E2F3: variants seen among roughly 807,000 people sequenced by gnomAD.
E2F3 encodes E2F transcription factor 3, also known as transcription factor E2F3.
A neutral mutation model predicts 44.4 loss-of-function variants in E2F3; 11 were observed. That is an observed-to-expected ratio of 0.25 (90% CI 0.16 to 0.41). The LOEUF (loss-of-function observed/expected upper bound fraction) is 0.41, where lower values mean the gene tolerates loss of function less well. E2F3 is among the 10% of genes least tolerant of loss of function. The pLI, the probability that E2F3 is intolerant of heterozygous loss-of-function variation, is 1.00. For synonymous variants in E2F3, 249 were observed against 253.0 expected (o/e 0.98, Z 0.15); for missense variants, 487 against 583.6 (o/e 0.83, Z 1.70).
chr6:20,472,062 A>ACACACT (rs1457807295), intron 1 of E2F3, among the ~76,000 whole-genome samples: 1 of 150,962 alleles, frequency 6.6e-6, no homozygotes, highest in Non-Finnish European at 1.5e-5. Context: ...ACACACACAC[A>ACACACT]CACACACTCA....
At chr6:20,448,385 A>G (rs1761017157) in intron 1 of E2F3, among the ~76,000 whole-genome samples, 1 of 152,208 alleles carries the variant, frequency 6.6e-6, no homozygotes, top group Non-Finnish European at 1.5e-5. Context: ...TGTATGACAG[A>G]TAATCAGAAA....
At chr6:20,456,186 G>A (rs1165434984) in intron 1 of E2F3, among the ~76,000 whole-genome samples, 1 of 151,844 alleles carries the variant, frequency 6.6e-6, no homozygotes, top group Admixed American at 6.6e-5. Context: ...TACGCTCACA[G>A]GCCTTCAAGC....
chr6:20,413,235 T>C (rs1014234861), intron 1 of E2F3, among the ~76,000 whole-genome samples: 1 of 152,232 alleles, frequency 6.6e-6, no homozygotes, highest in Admixed American at 6.5e-5. Flanking sequence ...CCTGATTGCC[T>C]GTAGCACTTG....
intron 1 of E2F3, among the ~76,000 whole-genome samples, chr6:20,461,112 T>C (rs1761492760): frequency 6.6e-6 from 1 of 151,830 alleles, no homozygotes; most frequent in Non-Finnish European, 1.5e-5. Context: ...GCCTCACTAA[T>C]TGACACTTGT....
intron 1 of E2F3, among the ~76,000 whole-genome samples, chr6:20,465,097 G>T (rs1397087918): frequency 6.6e-6 from 1 of 152,124 alleles, no homozygotes; most frequent in Non-Finnish European, 1.5e-5. Context: ...AGTGCTTAAG[G>T]CTCCCATATC....
chr6:20,471,055 T>C (rs908247306), intron 1 of E2F3, among the ~76,000 whole-genome samples: 2 of 152,228 alleles, frequency 1.3e-5, no homozygotes, highest in African/African-American at 4.8e-5. Context: ...GAAAGTAAAA[T>C]CACCATAAGC....
At chr6:20,483,623 A>G (rs906149653) in intron 4 of E2F3, among the ~76,000 whole-genome samples, 3 of 152,220 alleles carry the variant, frequency 2.0e-5, no homozygotes, top group East Asian at 1.9e-4. Context: ...CTGACAATCT[A>G]TTGACGATCT....
chr6:20,478,764 C>A (rs775808536), intron 1 of E2F3, among the ~76,000 whole-genome samples: 4 of 152,044 alleles, frequency 2.6e-5, no homozygotes, highest in African/African-American at 4.8e-5. Context: ...GAGCCAAGAT[C>A]GCGCCACTCC....
At chr6:20,469,505 TAAAAAC>T (rs1761821426) in intron 1 of E2F3, among the ~76,000 whole-genome samples, 1 of 152,214 alleles carries the variant, frequency 6.6e-6, no homozygotes, top group African/African-American at 2.4e-5. Flanking sequence ...AAATTATTCT[TAAAAAC>T]AAAATAAGTT....
At chr6:20,456,153 T>A (rs1761302665) in intron 1 of E2F3, among the ~76,000 whole-genome samples, 1 of 151,914 alleles carries the variant, frequency 6.6e-6, no homozygotes, top group Non-Finnish European at 1.5e-5. Context: ...AAGAAGGAAT[T>A]GATTAGGATG....
At chr6:20,416,065 C>T (rs895618526) in intron 1 of E2F3, among the ~76,000 whole-genome samples, 1 of 152,176 alleles carries the variant, frequency 6.6e-6, no homozygotes, top group African/African-American at 2.4e-5. Context: ...TGGTTCTTAC[C>T]TCACAGAGTT....
At chr6:20,441,725 A>ATTTTTT (rs70990031) in intron 1 of E2F3, among the ~76,000 whole-genome samples, 1 of 119,362 alleles carries the variant, frequency 8.4e-6, no homozygotes, top group Non-Finnish European at 1.8e-5. Context: ...CGCGTGGGTA[A>ATTTTTT]TTTTTTTTTT....
intron 4 of E2F3, among the ~76,000 whole-genome samples, chr6:20,484,300 T>C (rs1361538660): frequency 6.6e-6 from 1 of 152,242 alleles, no homozygotes; most frequent in Non-Finnish European, 1.5e-5. Context: ...AAAATACATT[T>C]GCACAATTTA....
At chr6:20,479,765 G>A (rs1263113571) in intron 1 of E2F3, 81 bp from the exon 2 acceptor site, 2 of 1,194,636 alleles carry the variant, frequency 1.7e-6, no homozygotes, top group Non-Finnish European at 2.4e-6. Context: ...TGCAGCATTT[G>A]GCAGGCCAGC....
rs1326668062 is a variant in E2F3 at position 20,478,139 on chromosome 6, C to CA, written c.394-1706dup. On this transcript the variant is annotated intron_variant, in intron 1 of 6. Coordinates refer to ENST00000346618, the MANE Select transcript of E2F3 (RefSeq NM_001949.5). Reference sequence around the variant, plus strand: ...CCTTGAGCCTGGGAGGACAAGGTTGCAGTGAGCTGAGATCACACCACTGCA... The same window carrying CA: ...CCTTGAGCCTGGGAGGACAAGGTTGCAAGTGAGCTGAGATCACACCACTGCA... Among the ~76,000 whole-genome samples the CA allele has an allele frequency of 2.6e-5, 4 of 152,108 alleles. No homozygotes were observed. The East Asian group carries it at 7.7e-4, about 29-fold the overall frequency.
At chr6:20,467,949 C>G (rs867894628) in intron 1 of E2F3, among the ~76,000 whole-genome samples, 7 of 151,978 alleles carry the variant, frequency 4.6e-5, no homozygotes, top group Non-Finnish European at 8.8e-5. Context: ...TTTCTCACCC[C>G]CCAACCCCTT....
chr6:20,463,684 C>T (rs1333610757), intron 1 of E2F3, among the ~76,000 whole-genome samples: 1 of 152,292 alleles, frequency 6.6e-6, no homozygotes, highest in South Asian at 2.1e-4. Context: ...ACGCTTCTGA[C>T]ACCAGATGTG....
At chr6:20,416,677 C>A (rs901581384) in intron 1 of E2F3, among the ~76,000 whole-genome samples, 4 of 152,124 alleles carry the variant, frequency 2.6e-5, no homozygotes, top group Non-Finnish European at 5.9e-5. Context: ...CAACGTCATT[C>A]CAATGCACCA....
intron 1 of E2F3, among the ~76,000 whole-genome samples, chr6:20,478,500 G>A (rs1230477302): frequency 6.6e-6 from 1 of 152,076 alleles, no homozygotes; most frequent in Non-Finnish European, 1.5e-5. Context: ...TCACATCACG[G>A]GGAGTTGTTT....
Sources: gnomAD v4.1 joint callset for allele counts (sites outside exome capture counted in the v4.1 genomes callset) on GRCh38, gnomAD v4.1.1 for gene constraint, MANE v1.5 for transcripts, NCBI Gene and HGNC (gene_info 2026-07-23, HGNC 2026-07-21) for gene names.